Variants in CWC27 observed in about 807,000 individuals in gnomAD.
CWC27 encodes spliceosome-associated protein CWC27 homolog.
A neutral mutation model predicts 63.6 loss-of-function variants in CWC27; 47 were observed. The observed-to-expected ratio is 0.74, with a 90% CI of 0.58 to 0.94. CWC27 has a LOEUF of 0.94. CWC27 is among the 40% of genes least tolerant of loss of function. The pLI, the probability that CWC27 is intolerant of heterozygous loss-of-function variation, is 0.00. For synonymous variants in CWC27, 175 were observed against 179.8 expected, an observed-to-expected ratio of 0.97 and a Z score of 0.22; for missense variants, 495 against 554.3, an observed-to-expected ratio of 0.89 and a Z score of 1.07.
In CWC27 at chr5:65,008,073, A is replaced by G. The variant is rs562211043; in HGVS notation, c.1257-10086A>G. Among the ~76,000 whole-genome samples, 13 of 152,354 alleles carry G rather than the reference A, an allele frequency of 8.5e-5. No homozygotes were observed. The South Asian group carries it at 2.7e-3, about 32-fold the overall frequency. ...GTATGTATATGTATGAATGTATTCAATGTATGAATTTTGCAGGAACACAAT... is the reference window on the plus strand; with the variant it reads ...GTATGTATATGTATGAATGTATTCAGTGTATGAATTTTGCAGGAACACAAT... On this transcript the variant is annotated intron_variant, in intron 13 of 13. Transcript: ENST00000381070.
chr5:64,967,470 A>C (rs1343902518), intron 11 of CWC27, among the ~76,000 whole-genome samples: 1 of 152,018 alleles, frequency 6.6e-6, no homozygotes, highest in African/African-American at 2.4e-5. Flanking sequence ...AAATCACCAA[A>C]ATAGTTGTGA....
chr5:64,843,137 A>G (rs1000558830), intron 10 of CWC27, among the ~76,000 whole-genome samples: 1 of 152,220 alleles, frequency 6.6e-6, no homozygotes, highest in African/African-American at 2.4e-5. Context: ...ACTGGTTGTC[A>G]GTTGTATATC....
In CWC27 at chr5:64,949,625, T is replaced by A. The variant is rs142363208; in HGVS notation, c.1043-22078T>A. On this transcript the variant is annotated intron_variant, in intron 11 of 13. Coordinates refer to ENST00000381070, the MANE Select transcript of CWC27 (RefSeq NM_005869.4). ...CCTTTGCGTGGTATGCAAGGCCCTA[T>A]ATGGGCTATAATTTGCCTGCCACAC... 1.3e-3 allele frequency among the ~76,000 whole-genome samples: 194 copies of A among 152,160 alleles called. 1 individual carries two copies. Among genetic ancestry groups the A allele is most frequent in the African/African-American group, 4.3e-3 (179 of 41,544 alleles).
chr5:64,934,008 A>C (rs1748293834), intron 11 of CWC27, among the ~76,000 whole-genome samples: 1 of 152,206 alleles, frequency 6.6e-6, no homozygotes, highest in South Asian at 2.1e-4. Context: ...TCAATCCAAG[A>C]TAATGCAGAA....
At chr5:64,954,503 C>T (rs540709936) in intron 11 of CWC27, among the ~76,000 whole-genome samples, 7 of 151,932 alleles carry the variant, frequency 4.6e-5, no homozygotes, top group Admixed American at 1.3e-4. Context: ...AGCCTGGACT[C>T]GGAACTCCTG....
At chr5:64,806,880 T>G (rs1268568037) in intron 10 of CWC27, among the ~76,000 whole-genome samples, 1 of 152,122 alleles carries the variant, frequency 6.6e-6, no homozygotes, top group Admixed American at 6.6e-5. Context: ...GTACTTTTGG[T>G]TATTTATACC....
intron 11 of CWC27, among the ~76,000 whole-genome samples, chr5:64,954,650 C>CTA (rs10645565): frequency 0.37 from 53,622 of 146,110 alleles, 9,961 homozygotes; most frequent in Non-Finnish European, 0.42. Context: ...ATAGAAAGCA[C>CTA]TATATATATA....
intron 10 of CWC27, among the ~76,000 whole-genome samples, chr5:64,847,429 CA>C: frequency 6.6e-6 from 1 of 152,110 alleles, no homozygotes; most frequent in East Asian, 1.9e-4. Context: ...GATTGCAGCA[CA>C]ATAACAACAG....
chr5:64,950,277 T>C (rs1005958524), intron 11 of CWC27, among the ~76,000 whole-genome samples: 1 of 151,964 alleles, frequency 6.6e-6, no homozygotes, highest in Non-Finnish European at 1.5e-5. Context: ...CTAATAGTAA[T>C]ATATGGTATC....
chr5:64,965,224 C>T (rs1402948474), intron 11 of CWC27, among the ~76,000 whole-genome samples: 1 of 152,202 alleles, frequency 6.6e-6, no homozygotes, highest in African/African-American at 2.4e-5. Context: ...GTGATTTACC[C>T]ATTCTGCCCT....
At chr5:64,897,742 G>A (rs1262234371) in intron 11 of CWC27, among the ~76,000 whole-genome samples, 1 of 151,998 alleles carries the variant, frequency 6.6e-6, no homozygotes, top group African/African-American at 2.4e-5. Context: ...AGAACTTAAA[G>A]TATAATAATA....
chr5:64,896,670 A>C (rs1485743332), intron 11 of CWC27, among the ~76,000 whole-genome samples: 1 of 151,698 alleles, frequency 6.6e-6, no homozygotes, highest in African/African-American at 2.4e-5. Flanking sequence ...AAAAAGATGG[A>C]ATTAGGAAAA....
chr5:65,012,019 G>A lies in CWC27; in HGVS notation c.1257-6140G>A, dbSNP rs140767162. 1.2e-3 allele frequency among the ~76,000 whole-genome samples: 182 copies of A among 152,252 alleles called. 1 individual carries two copies. Among genetic ancestry groups the A allele is most frequent in the African/African-American group, 4.1e-3 (172 of 41,546 alleles). ...AAGAGTTGTGCCTTTTCCCAAAGAT[G>A]CTCCCACATTGCTCAAGACATTTCT... On this transcript the variant is annotated intron_variant, in intron 13 of 13. Transcript: ENST00000381070.
chr5:64,793,230 T>A (rs1006686800), intron 7 of CWC27, among the ~76,000 whole-genome samples: 5 of 152,102 alleles, frequency 3.3e-5, no homozygotes, highest in South Asian at 2.1e-4. Flanking sequence ...CAGCCCAGCC[T>A]CATTATTACC....
intron 2 of CWC27, among the ~76,000 whole-genome samples, chr5:64,780,179 G>T (rs915636942): frequency 6.6e-6 from 1 of 152,028 alleles, no homozygotes; most frequent in African/African-American, 2.4e-5. Context: ...TTGTGTTTGG[G>T]TTCTTTCACT....
chr5:64,790,816 T>A (rs1351940107), intron 7 of CWC27, among the ~76,000 whole-genome samples: 1 of 152,146 alleles, frequency 6.6e-6, no homozygotes, highest in Non-Finnish European at 1.5e-5. Flanking sequence ...GTAATCCCTA[T>A]AACAACCATG....
intron 7 of CWC27, among the ~76,000 whole-genome samples, chr5:64,796,429 G>T (rs1190286120): frequency 6.6e-6 from 1 of 152,042 alleles, no homozygotes; most frequent in Non-Finnish European, 1.5e-5. Flanking sequence ...ACTCAGGCAG[G>T]GTTTCTTTGT....
At chr5:64,775,089 A>G (rs1010217466) in intron 2 of CWC27, among the ~76,000 whole-genome samples, 19 of 152,214 alleles carry the variant, frequency 1.2e-4, no homozygotes, top group Non-Finnish European at 2.6e-4. Context: ...ATTCCCTAAG[A>G]TTGCCTCTAG....
At chr5:64,891,291 C>A (rs545424203) in intron 11 of CWC27, among the ~76,000 whole-genome samples, 61 of 152,158 alleles carry the variant, frequency 4.0e-4, no homozygotes, top group African/African-American at 1.4e-3. Context: ...GTGTGGAATA[C>A]CTCATTTCCT....
Sources: gnomAD v4.1 joint callset for allele counts (sites outside exome capture counted in the v4.1 genomes callset) on GRCh38, gnomAD v4.1.1 for gene constraint, MANE v1.5 for transcripts, NCBI Gene and HGNC (gene_info 2026-07-23, HGNC 2026-07-21) for gene names.